The following AIMP1 variants were observed in gnomAD, a reference collection of about 807,000 sequenced individuals.
AIMP1 encodes the protein aminoacyl tRNA synthase complex-interacting multifunctional protein 1.
AIMP1 carries 24 observed loss-of-function variants against 33.1 expected under a neutral mutation model. The observed-to-expected ratio is 0.73, with a 90% confidence interval of 0.53 to 1.02. The LOEUF is 1.02. Among genes scored for constraint, AIMP1 ranks in the 50% least tolerant of loss-of-function variants. The pLI, the probability that AIMP1 is intolerant of heterozygous loss-of-function variation, is 0.00. For synonymous variants in AIMP1, 120 were observed against 121.5 expected (o/e 0.99, Z 0.08); for missense variants, 367 against 364.8 (o/e 1.01, Z -0.05).
At chr4:106,334,727 G>A (rs938761395) in intron 5 of AIMP1, among the ~76,000 whole-genome samples, 5 of 152,160 alleles carry the variant, frequency 3.3e-5, no homozygotes, top group African/African-American at 1.2e-4. Context: ...AGGCCAGGAT[G>A]ATATTGACAT....
At chr4:106,333,606 C>G (rs2125924915) in intron 5 of AIMP1, among the ~76,000 whole-genome samples, 1 of 152,250 alleles carries the variant, frequency 6.6e-6, no homozygotes, top group South Asian at 2.1e-4. Context: ...GAGTTTAGCA[C>G]CAGGGACTGT....
At chr4:106,341,597 G>A (rs919022275) in intron 6 of AIMP1, among the ~76,000 whole-genome samples, 3 of 152,070 alleles carry the variant, frequency 2.0e-5, no homozygotes, top group African/African-American at 7.2e-5. Flanking sequence ...TCAGATGGTT[G>A]TAGGCATGCA....
Position 106,326,693 on chromosome 4 carries a change from CAG to C in AIMP1, c.110-756_110-755del, listed in dbSNP as rs1383823338. On this transcript the variant is annotated intron_variant, in intron 2 of 6. Coordinates refer to ENST00000672341, the MANE Select transcript of AIMP1 (RefSeq NM_001142416.2). ...AGTTTTTGCTTGTGTGGTAACATCT[CAG>C]AATTTTTTTAAAAATATATATATAA... is the stretch of plus-strand genomic sequence containing the variant. 3.3e-5 allele frequency among the ~76,000 whole-genome samples: 5 copies of C among 151,938 alleles called. No homozygotes were observed. In the East Asian group the frequency reaches 9.6e-4, roughly 29 times the overall value.
chr4:106,340,575 G>A (rs937469706), intron 6 of AIMP1, among the ~76,000 whole-genome samples: 3 of 152,248 alleles, frequency 2.0e-5, no homozygotes, highest in Non-Finnish European at 2.9e-5. Context: ...GGGTTACTTA[G>A]GACAATGGCT....
chr4:106,316,744 A>T, intron 1 of AIMP1, 150 bp downstream of exon 1: 6 of 664,614 alleles, frequency 9.0e-6, no homozygotes, highest in Non-Finnish European at 1.5e-5. Flanking sequence ...TGGCCTAAGG[A>T]AACAGGAAAG....
chr4:106,320,597 C>T (rs1208487199), intron 1 of AIMP1, among the ~76,000 whole-genome samples: 3 of 151,766 alleles, frequency 2.0e-5, no homozygotes, highest in East Asian at 3.9e-4. Flanking sequence ...AGTTTGTGAT[C>T]CCTAGAAAAG....
At chr4:106,345,119 T>C (rs1770247791) in intron 6 of AIMP1, among the ~76,000 whole-genome samples, 1 of 152,226 alleles carries the variant, frequency 6.6e-6, no homozygotes, top group African/African-American at 2.4e-5. Flanking sequence ...ATCTAGTTTA[T>C]ATGGCACTTT....
chr4:106,345,570 T>C (rs1472126356), intron 6 of AIMP1, among the ~76,000 whole-genome samples: 2 of 151,918 alleles, frequency 1.3e-5, no homozygotes, highest in African/African-American at 2.4e-5. Flanking sequence ...CTTAAAGGAG[T>C]AGGAGAAATT....
chr4:106,336,030 CTTTTTTTTTTTTTT>C (rs34219049), intron 5 of AIMP1, among the ~76,000 whole-genome samples: 1 of 59,390 alleles, frequency 1.7e-5, no homozygotes, highest in Non-Finnish European at 3.1e-5. Flanking sequence ...GTTAAATGAT[CTTTTTTTTTTTTTT>C]TTTTTTTTTT....
intron 4 of AIMP1, among the ~76,000 whole-genome samples, chr4:106,331,385 T>C (rs1034910351): frequency 2.6e-5 from 4 of 152,226 alleles, no homozygotes; most frequent in Non-Finnish European, 5.9e-5. Context: ...AGTAAAACTT[T>C]ATTTATGAAA....
chr4:106,347,203 G>A (rs1238499813), intron 6 of AIMP1, among the ~76,000 whole-genome samples: 1 of 152,036 alleles, frequency 6.6e-6, no homozygotes, highest in Admixed American at 6.6e-5. Context: ...TGGGGACACA[G>A]ACTCAAACTA....
At chr4:106,341,585 A>G (rs1270699904) in intron 6 of AIMP1, among the ~76,000 whole-genome samples, 1 of 152,066 alleles carries the variant, frequency 6.6e-6, no homozygotes, top group Non-Finnish European at 1.5e-5. Flanking sequence ...ACTTGCTGAA[A>G]ATCAGATGGT....
intron 4 of AIMP1, among the ~76,000 whole-genome samples, chr4:106,329,772 CTTTTTTTTTTTTTTTT>C (rs59016309): frequency 0.012 from 657 of 53,110 alleles, 14 homozygotes; most frequent in African/African-American, 0.042. Flanking sequence ...TGCTACATAT[CTTTTTTTTTTTTTTTT>C]TTTTTTTTTT....
intron 6 of AIMP1, among the ~76,000 whole-genome samples, chr4:106,341,029 A>G (rs1191965361): frequency 6.6e-6 from 1 of 151,774 alleles, no homozygotes; most frequent in Non-Finnish European, 1.5e-5. Flanking sequence ...TGTTTTTGAT[A>G]TTTGTTGGCG....
chr4:106,331,310 C>G (rs573741242), intron 4 of AIMP1, among the ~76,000 whole-genome samples: 35 of 152,266 alleles, frequency 2.3e-4, no homozygotes, highest in African/African-American at 7.9e-4. Context: ...CACAACTACT[C>G]AACTCTGCCC....
In AIMP1 at chr4:106,325,038, G is replaced by T; in HGVS notation, c.29G>T (p.Arg10Ile). MANNDAVLK[R>I]LEQKGAEADQ... The stretch of plus-strand genomic sequence containing the variant: ...GCAAATAATGATGCTGTTCTGAAGA[G>T]ACTGGAGCAGAAGGGTGCAGAGGCA... Residue 10 changes from arginine to isoleucine, a missense_variant, in exon 2 of 7, where the codon AGA (arginine) becomes ATA (isoleucine). By Grantham distance (97) the Arg-to-Ile change is moderately conservative. Coordinates refer to ENST00000672341, the MANE Select transcript of AIMP1 (RefSeq NM_001142416.2). The T allele has an allele frequency of 6.2e-7, 1 of 1,612,582 alleles. No individual in the cohort carries two copies. The highest frequency in any genetic ancestry group is 8.5e-7 in the Non-Finnish European group (1 of 1,179,090).
chr4:106,328,521 T>TTG (rs1021769066), intron 4 of AIMP1, among the ~76,000 whole-genome samples: 1 of 152,168 alleles, frequency 6.6e-6, no homozygotes, highest in African/African-American at 2.4e-5. Flanking sequence ...CATATGTAGT[T>TTG]TGGTATGGCT....
chr4:106,333,014 T>TCCCCCC (rs1769740492), intron 5 of AIMP1, among the ~76,000 whole-genome samples: 2 of 147,548 alleles, frequency 1.4e-5, no homozygotes, highest in African/African-American at 5.0e-5. Flanking sequence ...GCCCCACCCC[T>TCCCCCC]ACCCTTCCCA....
chr4:106,322,348 C>G (rs556143389), intron 1 of AIMP1, among the ~76,000 whole-genome samples: 1 of 152,024 alleles, frequency 6.6e-6, no homozygotes, highest in Admixed American at 6.6e-5. Flanking sequence ...GTCACACAGT[C>G]TAAGTATATA....
Sources: allele counts gnomAD v4.1 joint callset (sites outside exome capture counted in the v4.1 genomes callset), GRCh38; gene constraint gnomAD v4.1.1; transcripts MANE v1.5; gene names NCBI Gene and HGNC (gene_info 2026-07-23, HGNC 2026-07-21).